The following NUMA1 variants were observed in gnomAD, a reference collection of about 807,000 sequenced individuals.
NUMA1 encodes nuclear mitotic apparatus protein 1, also known as SP-H antigen.
NUMA1 carries 62 observed loss-of-function variants against 237.1 expected under a neutral mutation model. The observed-to-expected ratio is 0.26, with a 90% CI of 0.21 to 0.32. The LOEUF (loss-of-function observed/expected upper bound fraction) is 0.32, where lower values mean the gene tolerates loss of function less well. Ranked by LOEUF, NUMA1 falls within the 10% of genes least tolerant of loss-of-function variation. The probability of loss-of-function intolerance (pLI) is 1.00; values close to 1 mark genes in which losing one functional copy is unlikely to be tolerated. For synonymous variants in NUMA1, 1,028 were observed against 1,066.1 expected (o/e 0.96, Z 0.70); for missense variants, 2,533 against 2,666.5 (o/e 0.95, Z 1.10).
chr11:72,051,074 C>T (rs551873059), intron 2 of NUMA1, among the ~76,000 whole-genome samples: 1 of 151,964 alleles, frequency 6.6e-6, no homozygotes, highest in African/African-American at 2.4e-5. Context: ...TTTTTAGTAG[C>T]GATGAAGTCT....
intron 8 of NUMA1, 37 bp from the exon 9 acceptor site, chr11:72,019,654 G>A (rs1938453443): frequency 6.2e-7 from 1 of 1,603,054 alleles, no homozygotes; most frequent in Non-Finnish European, 8.5e-7. Context: ...ATCAACAAAG[G>A]TTAGTAAGAA....
chr11:72,058,987 A>C (rs1320072411), intron 2 of NUMA1, among the ~76,000 whole-genome samples: 1 of 152,200 alleles, frequency 6.6e-6, no homozygotes, highest in Non-Finnish European at 1.5e-5. Flanking sequence ...GAAATAATAT[A>C]ATACGGAGGT....
chr11:72,070,179 A>G (rs1259332909), intron 1 of NUMA1: 1 of 152,146 alleles, frequency 6.6e-6, no homozygotes, highest in Non-Finnish European at 1.5e-5. Flanking sequence ...CCCTGTTAGG[A>G]TTTCAGTCTT....
At chr11:72,004,494 G>T in intron 24 of NUMA1, 146 bp downstream of exon 24, 1 of 1,211,082 alleles carries the variant, frequency 8.3e-7, no homozygotes, top group Non-Finnish European at 1.2e-6. Context: ...CTTCCCAACA[G>T]TTCCCATCCA....
In NUMA1 at chr11:72,008,967, C is replaced by T. The variant is rs763527553; in HGVS notation, c.5058G>A (p.Gln1686=). The part of the protein sequence containing the change: ...LTAQVRSLEA[Q]VAHADQQLRD... ...GTGAGTCTGCCAGCCAAATTCTTAC[C>T]TGTGCCTCCAGGCTGCGCACCTGGG... is the stretch of plus-strand genomic sequence containing the variant. The change falls in exon 19 of 27, where the codon CAG becomes CAA. Residue 1686 remains glutamine (Q), a splice_region_variant and synonymous_variant. Coordinates refer to ENST00000393695, the MANE Select transcript of NUMA1 (RefSeq NM_006185.4). 1.2e-6 allele frequency: 2 copies of T among 1,613,976 alleles called. No individual in the cohort carries two copies. Among genetic ancestry groups the T allele is most frequent in the Non-Finnish European group, 1.7e-6 (2 of 1,179,984 alleles).
chr11:72,033,115 C>T (rs1940539629), intron 3 of NUMA1, among the ~76,000 whole-genome samples: 1 of 152,078 alleles, frequency 6.6e-6, no homozygotes. Context: ...TTTAGCTCCA[C>T]AACTTTTGTT....
At chr11:72,059,232 T>G (rs188748702) in intron 2 of NUMA1, among the ~76,000 whole-genome samples, 6 of 152,274 alleles carry the variant, frequency 3.9e-5, no homozygotes, top group Admixed American at 3.9e-4. Context: ...ATGTAAAAAT[T>G]TATTTGACAT....
At position 72,014,455 on chromosome 11, in the gene NUMA1, G is replaced by A. The variant is rs902961047; in HGVS notation, c.3048C>T (p.Ala1016=). 6.2e-6 allele frequency: 10 copies of A among 1,604,608 alleles called. No individual in the cohort carries two copies. The highest frequency in any genetic ancestry group is 2.7e-5 in the African/African-American group (2 of 74,872). ...VARLTQERGR[A]QADLALEKAA... Reference sequence around the variant, plus strand: ...CCTTCTCCAGGGCAAGGTCAGCCTGGGCACGGCCCCGCTCCTGGGTCAGCC... The same window carrying A: ...CCTTCTCCAGGGCAAGGTCAGCCTGAGCACGGCCCCGCTCCTGGGTCAGCC... The change falls in exon 15 of 27, where the codon GCC becomes GCT. Residue 1016 remains alanine (A), a synonymous_variant. Transcript: ENST00000393695. The surrounding 1 kb of genome is among the most constrained non-coding windows in gnomAD (Gnocchi z 4.6).
intron 16 of NUMA1, among the ~76,000 whole-genome samples, chr11:72,011,385 T>C (rs916566315): frequency 6.6e-6 from 1 of 152,158 alleles, no homozygotes; most frequent in Admixed American, 6.5e-5. Context: ...GGGGAACAGA[T>C]TGCTGGAAGA....
intron 2 of NUMA1, chr11:72,068,731 C>T (rs945545969): frequency 6.6e-6 from 1 of 152,208 alleles, no homozygotes; most frequent in Non-Finnish European, 1.5e-5. Context: ...TTCCAGCAGA[C>T]ATTTCTAATC....
chr11:72,018,024 C>T, intron 12 of NUMA1, 159 bp downstream of exon 12: 1 of 936,480 alleles, frequency 1.1e-6, no homozygotes, highest in Non-Finnish European at 1.6e-6. Flanking sequence ...CGGGAAGCCG[C>T]CAATTATGGG....
chr11:72,015,360 T>C lies in NUMA1; in HGVS notation c.2143A>G (p.Lys715Glu), dbSNP rs1410462573. 6.2e-7 allele frequency: 1 copy of C among 1,613,086 alleles called. No individual in the cohort carries two copies. The highest frequency in any genetic ancestry group is 8.5e-7 in the Non-Finnish European group (1 of 1,180,026). ...CGCTTCTCCTCTTCAAGGCTGCCCT[T>C]GGTGACCTTCAAGGACTCTTTGAGG... The part of the protein sequence containing the change: ...QALKESLKVT[K>E]GSLEEEKRRA... Residue 715 changes from lysine (K) to glutamate (E), a missense_variant, in exon 15 of 27, where the codon AAG becomes GAG. Around this residue, in one of 3 missense-constraint regions of NUMA1, gnomAD observed 1,414 missense variants for 1,508.1 expected, o/e 0.94. Coordinates refer to ENST00000393695, the MANE Select transcript of NUMA1 (RefSeq NM_006185.4). The surrounding 1 kb of genome is among the most constrained non-coding windows in gnomAD (Gnocchi z 4.0).
intron 2 of NUMA1, among the ~76,000 whole-genome samples, chr11:72,064,988 C>T (rs931347586): frequency 1.5e-4 from 23 of 152,178 alleles, no homozygotes; most frequent in Admixed American, 1.2e-3. Flanking sequence ...TGTATGTATA[C>T]GTGTAAGGAA....
At chr11:72,018,699 C>T in intron 10 of NUMA1, 124 bp downstream of exon 10, 1 of 1,271,928 alleles carries the variant, frequency 7.9e-7, no homozygotes, top group Middle Eastern at 2.8e-4. Flanking sequence ...AGGAGGTCAG[C>T]CTGACCACAG....
Position 72,015,804 on chromosome 11 carries a change from A to G in NUMA1, c.1699T>C (p.Leu567=). 6.2e-7 allele frequency: 1 copy of G among 1,613,866 alleles called. No individual in the cohort carries two copies. The highest frequency in any genetic ancestry group is 8.5e-7 in the Non-Finnish European group (1 of 1,179,946). Residue 567 remains leucine, a synonymous_variant, in exon 15 of 27, where the codon TTG becomes CTG. Transcript: ENST00000393695. The surrounding 1 kb of genome is among the most constrained non-coding windows in gnomAD (Gnocchi z 4.0). ...TCCTGCTTCTCCGCTACCTCCTTCA[A>G]CTGCTGCTCCTTCTGCTTCAGGCTA... ...SSSLKQKEQQ[L]KEVAEKQEAT...
intron 2 of NUMA1, chr11:72,042,254 T>C (rs1941730534): frequency 6.6e-6 from 1 of 152,214 alleles, no homozygotes; most frequent in Admixed American, 6.5e-5. Flanking sequence ...CCCCTAATCT[T>C]ATGCCACAAA....
Position 72,021,185 on chromosome 11 carries a change from GGA to G in NUMA1, c.460+17_460+18del. ...CATTTCAGAGATGAGGGGATTCTCA[GGA>G]GTGTGTACCTACTTACCTTTCTGTA... On this transcript the variant is annotated intron_variant, in intron 8 of 26. Transcript: ENST00000393695. The G allele has an allele frequency of 1.3e-6, 2 of 1,583,642 alleles. No individual in the cohort carries two copies. The highest frequency in any genetic ancestry group is 1.7e-6 in the Non-Finnish European group (2 of 1,152,198).
intron 7 of NUMA1, among the ~76,000 whole-genome samples, chr11:72,021,744 C>A: frequency 6.6e-6 from 1 of 152,188 alleles, no homozygotes; most frequent in East Asian, 1.9e-4. Context: ...GCTAGAACTA[C>A]AGACACACAC....
At chr11:72,073,248 C>T (rs2136305859) in intron 1 of NUMA1, among the ~76,000 whole-genome samples, 1 of 146,144 alleles carries the variant, frequency 6.8e-6, no homozygotes, top group African/African-American at 2.5e-5. Context: ...ACTTAGGAGG[C>T]TGAGGTGGGA....
Sources: allele counts gnomAD v4.1 joint callset (sites outside exome capture counted in the v4.1 genomes callset), GRCh38; gene constraint gnomAD v4.1.1; regional missense constraint gnomAD v4.1.1; non-coding constraint Gnocchi (gnomAD v3.1); transcripts MANE v1.5; gene names NCBI Gene and HGNC (gene_info 2026-07-23, HGNC 2026-07-21).